The following PPP2R2B variants were observed in gnomAD, a reference collection of about 807,000 sequenced individuals.
The protein encoded by PPP2R2B is protein phosphatase 2 regulatory subunit Bbeta.
PPP2R2B carries 5 observed loss-of-function variants against 46.0 expected under a neutral mutation model. The ratio of observed to expected loss-of-function variants is 0.11; its 90% CI spans 0.06 to 0.23. The LOEUF (loss-of-function observed/expected upper bound fraction) is 0.23, where lower values mean the gene tolerates loss of function less well. Ranked by LOEUF, PPP2R2B falls within the 10% of genes least tolerant of loss-of-function variation. The pLI is 1.00. For missense variants in PPP2R2B, 367 were observed against 575.0 expected (o/e 0.64, Z 3.70); for synonymous variants, 215 against 206.7 (o/e 1.04, Z -0.34).
intron 1 of PPP2R2B, among the ~76,000 whole-genome samples, chr5:147,019,218 A>G (rs1755144786): frequency 6.6e-6 from 1 of 152,174 alleles, no homozygotes; most frequent in African/African-American, 2.4e-5. Flanking sequence ...TTTGGAACAG[A>G]TTGACCATAA....
At chr5:146,664,522 T>C (rs970335390) in intron 5 of PPP2R2B, among the ~76,000 whole-genome samples, 1 of 152,044 alleles carries the variant, frequency 6.6e-6, no homozygotes, top group African/African-American at 2.4e-5. Flanking sequence ...TTCTAGTTTT[T>C]TTTTTTTTCT....
intron 1 of PPP2R2B, among the ~76,000 whole-genome samples, chr5:147,033,064 G>A (rs1041082314): frequency 6.6e-6 from 1 of 152,050 alleles, no homozygotes; most frequent in Non-Finnish European, 1.5e-5. Flanking sequence ...ATGAGACCAT[G>A]CTATAGTGAC....
intron 7 of PPP2R2B, among the ~76,000 whole-genome samples, chr5:146,609,614 G>A (rs1772650716): frequency 6.7e-6 from 1 of 149,914 alleles, no homozygotes; most frequent in Admixed American, 6.7e-5. Flanking sequence ...GCCAGACAGT[G>A]GGCGCAGGCC....
At chr5:146,726,923 A>G (rs1751905830) in intron 2 of PPP2R2B, among the ~76,000 whole-genome samples, 1 of 152,202 alleles carries the variant, frequency 6.6e-6, no homozygotes, top group Non-Finnish European at 1.5e-5. Context: ...TGGCTTTGTA[A>G]CTAGGATACA....
chr5:146,728,298 G>C (rs1370618177), intron 2 of PPP2R2B, among the ~76,000 whole-genome samples: 3 of 152,016 alleles, frequency 2.0e-5, no homozygotes, highest in African/African-American at 7.2e-5. Flanking sequence ...CCATTCCACT[G>C]TGTGACTCCT....
At chr5:146,823,477 G>A (rs768047248) in intron 2 of PPP2R2B, among the ~76,000 whole-genome samples, 21 of 151,964 alleles carry the variant, frequency 1.4e-4, no homozygotes, top group East Asian at 1.9e-4. Flanking sequence ...GATTACAGGC[G>A]TGAGCCACTG....
chr5:146,780,145 C>T lies in PPP2R2B; in HGVS notation c.71-79003G>A, dbSNP rs184438578. On this transcript the variant is annotated intron_variant, in intron 2 of 9. Transcript: ENST00000394411. The stretch of plus-strand genomic sequence containing the variant: ...TATTTTGGACCTATTATGTGGCCAA[C>T]ACTTTGTAGAGCTGTGGTAGAAACA... Among the ~76,000 whole-genome samples the T allele has an allele frequency of 6.6e-4, 101 of 152,280 alleles. No individual in the cohort carries two copies. The East Asian group carries it at 0.011, about 17-fold the overall frequency.
upstream of PPP2R2B, among the ~76,000 whole-genome samples, chr5:146,881,106 A>C (rs1762153678): frequency 6.6e-6 from 1 of 152,150 alleles, no homozygotes; most frequent in Admixed American, 6.5e-5. Context: ...GGCTGCAGAG[A>C]TCAGTCTTCA....
Position 146,964,065 on chromosome 5 carries a change from A to C in PPP2R2B, c.79+91600T>G, listed in dbSNP as rs138038321. ...AATGTAGCCCTTAAGTCAGCTGGACACTGGGGTTCAAAGATAGTTTTGCCT... is the reference window on the plus strand; with the variant it reads ...AATGTAGCCCTTAAGTCAGCTGGACCCTGGGGTTCAAAGATAGTTTTGCCT... On this transcript the variant is annotated intron_variant, in intron 1 of 8. Transcript: ENST00000336640. 3.9e-5 allele frequency among the ~76,000 whole-genome samples: 6 copies of C among 152,362 alleles called. No homozygotes were observed. The East Asian group carries it at 9.6e-4, about 24-fold the overall frequency.
At chr5:146,972,495 T>A (rs766056949) in intron 1 of PPP2R2B, among the ~76,000 whole-genome samples, 3 of 152,104 alleles carry the variant, frequency 2.0e-5, no homozygotes, top group Non-Finnish European at 4.4e-5. Context: ...GTGGATCACC[T>A]GAGGTCAGGA....
At chr5:146,672,033 G>C (rs1777407734) in intron 5 of PPP2R2B, among the ~76,000 whole-genome samples, 1 of 152,198 alleles carries the variant, frequency 6.6e-6, no homozygotes, top group Non-Finnish European at 1.5e-5. Flanking sequence ...AACACAAAAG[G>C]AGAATATAAG....
At chr5:146,709,396 C>T (rs1286165432) in intron 2 of PPP2R2B, among the ~76,000 whole-genome samples, 1 of 152,166 alleles carries the variant, frequency 6.6e-6, no homozygotes, top group African/African-American at 2.4e-5. Context: ...ATCTTTCTTC[C>T]TTGCCTGCCT....
chr5:146,598,835 T>C (rs1771491687), intron 8 of PPP2R2B, among the ~76,000 whole-genome samples: 1 of 152,150 alleles, frequency 6.6e-6, no homozygotes, highest in South Asian at 2.1e-4. Context: ...CCAATGTCCC[T>C]CCCACAGTTT....
chr5:146,608,562 C>A (rs978680760), intron 7 of PPP2R2B, among the ~76,000 whole-genome samples: 13 of 151,984 alleles, frequency 8.6e-5, no homozygotes, highest in Non-Finnish European at 1.3e-4. Context: ...TTTGGGAGGC[C>A]GAGGCAGGTA....
chr5:146,782,911 G>A (rs996699440), intron 2 of PPP2R2B, among the ~76,000 whole-genome samples: 3 of 151,960 alleles, frequency 2.0e-5, no homozygotes, highest in African/African-American at 7.2e-5. Context: ...AAAGAAAGGG[G>A]AATGTGGCTA....
chr5:146,972,770 A>T (rs1351720050), intron 1 of PPP2R2B, among the ~76,000 whole-genome samples: 1 of 152,148 alleles, frequency 6.6e-6, no homozygotes, highest in Non-Finnish European at 1.5e-5. Context: ...ATTAGCATTT[A>T]TCTTATAGGT....
At chr5:147,052,268 A>G (rs966729475) in intron 1 of PPP2R2B, among the ~76,000 whole-genome samples, 9 of 152,172 alleles carry the variant, frequency 5.9e-5, no homozygotes, top group African/African-American at 1.7e-4. Flanking sequence ...TTTTTCACAT[A>G]TGGTTTTGGA....
intron 2 of PPP2R2B, among the ~76,000 whole-genome samples, chr5:146,846,415 C>T (rs534247753): frequency 1.3e-5 from 2 of 151,868 alleles, no homozygotes; most frequent in South Asian, 4.2e-4. Context: ...CACAGTGGCT[C>T]ACGCCTGTAA....
At chr5:147,047,569 C>G (rs529542532) in intron 1 of PPP2R2B, among the ~76,000 whole-genome samples, 18 of 152,140 alleles carry the variant, frequency 1.2e-4, no homozygotes, top group Middle Eastern at 3.4e-3. Context: ...GGGTAATACA[C>G]TATATACTTG....
Sources: gnomAD v4.1 joint callset for allele counts (sites outside exome capture counted in the v4.1 genomes callset) on GRCh38, gnomAD v4.1.1 for gene constraint, MANE v1.5 for transcripts, NCBI Gene and HGNC (gene_info 2026-07-23, HGNC 2026-07-21) for gene names.